Variants in STARD13 observed in about 807,000 individuals in gnomAD.
STARD13 encodes stAR-related lipid transfer protein 13.
In STARD13, 62 loss-of-function variants were observed where a neutral mutation model predicts 106.4. The observed-to-expected ratio is 0.58, with a 90% CI of 0.48 to 0.72. STARD13 has a LOEUF of 0.72. Among genes scored for constraint, STARD13 ranks in the 30% least tolerant of loss-of-function variants. The probability of loss-of-function intolerance (pLI) is 0.00; values close to 1 mark genes in which losing one functional copy is unlikely to be tolerated. For synonymous variants in STARD13, 565 were observed against 553.0 expected (o/e 1.02, Z -0.31); for missense variants, 1,387 against 1,424.0 (o/e 0.97, Z 0.42).
At chr13:33,165,126 T>C (rs1465283807) in intron 3 of STARD13, among the ~76,000 whole-genome samples, 1 of 152,176 alleles carries the variant, frequency 6.6e-6, no homozygotes, top group African/African-American at 2.4e-5. Flanking sequence ...CCTAATCTAG[T>C]GTCCAAAGGC....
At chr13:33,280,642 T>C (rs1297698540) in intron 1 of STARD13, 1 of 152,182 alleles carries the variant, frequency 6.6e-6, no homozygotes, top group Non-Finnish European at 1.5e-5. Flanking sequence ...TTCAACAGAC[T>C]GGACTTCCTA....
At chr13:33,541,482 T>C in the STARD13 span, among the ~76,000 whole-genome samples, 5 of 152,200 alleles carry the variant, frequency 3.3e-5, no homozygotes, top group African/African-American at 1.2e-4. Context: ...GCCATAGTAC[T>C]CCTCACGTCA....
At chr13:33,439,791 T>C in the STARD13 span, 13 of 825,430 alleles carry the variant, frequency 1.6e-5, no homozygotes, top group Non-Finnish European at 1.7e-5. Context: ...ATATTGAGTT[T>C]GAGACAAAAA....
the STARD13 span, among the ~76,000 whole-genome samples, chr13:33,419,815 G>T: frequency 1.3e-5 from 2 of 152,328 alleles, no homozygotes; most frequent in Admixed American, 6.5e-5. Context: ...CATTCTTAAA[G>T]AAAAGAATTT....
At chr13:33,343,577 TAAAAAA>T (rs1292508834) in intron 1 of STARD13, among the ~76,000 whole-genome samples, 1 of 37,104 alleles carries the variant, frequency 2.7e-5, no homozygotes, top group African/African-American at 1.2e-4. Flanking sequence ...GACCCTGTCT[TAAAAAA>T]AAAAAAAAAA....
intron 1 of STARD13, among the ~76,000 whole-genome samples, chr13:33,189,433 TCGG>T (rs1185905003): frequency 9.0e-5 from 4 of 44,374 alleles, no homozygotes; most frequent in African/African-American, 2.9e-4. Flanking sequence ...CTTCCTCCTT[TCGG>T]AGGAAGGAGG....
At chr13:33,382,199 G>A in the STARD13 span, among the ~76,000 whole-genome samples, 284 of 152,288 alleles carry the variant, frequency 1.9e-3, 2 homozygotes, top group Non-Finnish European at 2.7e-3. Flanking sequence ...CAGGTCACTT[G>A]CCCTGAATTT....
chr13:33,280,567 A>C (rs1392220890), intron 1 of STARD13: 5 of 152,126 alleles, frequency 3.3e-5, no homozygotes, highest in African/African-American at 7.2e-5. Context: ...ACAGGCCTGG[A>C]TTTTGGAGAA....
the STARD13 span, among the ~76,000 whole-genome samples, chr13:33,558,499 T>A: frequency 6.6e-6 from 1 of 152,110 alleles, no homozygotes; most frequent in Non-Finnish European, 1.5e-5. Context: ...TATTTGTATT[T>A]ATTTTTTGAA....
At chr13:33,329,010 G>A (rs754000089) in intron 1 of STARD13, among the ~76,000 whole-genome samples, 18 of 152,134 alleles carry the variant, frequency 1.2e-4, no homozygotes, top group Admixed American at 2.0e-4. Flanking sequence ...TAAGTGTTAC[G>A]GTGCAGCTGT....
intron 1 of STARD13, among the ~76,000 whole-genome samples, chr13:33,242,698 A>G (rs1403353332): frequency 6.6e-6 from 1 of 151,990 alleles, no homozygotes; most frequent in African/African-American, 2.4e-5. Flanking sequence ...CTATTGTCCT[A>G]TGACCCTGCC....
rs143307069 is a variant in STARD13 at position 33,120,505 on chromosome 13, G to A, written c.2083-2242C>T. 5.9e-5 allele frequency among the ~76,000 whole-genome samples: 9 copies of A among 152,238 alleles called. No homozygotes were observed. The East Asian group carries it at 7.7e-4, about 13-fold the overall frequency. On this transcript the variant is annotated intron_variant, in intron 7 of 13. Coordinates refer to ENST00000336934, the MANE Select transcript of STARD13 (RefSeq NM_178006.4). ...AGTCAGGGATTTATTGTGCTGCCTC[G>A]AAGTCTGACAATAACCTTCCTGCCC...
the STARD13 span, among the ~76,000 whole-genome samples, chr13:33,421,573 G>T: frequency 2.0e-5 from 3 of 152,152 alleles, no homozygotes; most frequent in Non-Finnish European, 2.9e-5. Flanking sequence ...GAAAAAGAGG[G>T]AATCCTCCCT....
chr13:33,507,833 T>C, the STARD13 span, among the ~76,000 whole-genome samples: 1 of 152,136 alleles, frequency 6.6e-6, no homozygotes, highest in Admixed American at 6.6e-5. Flanking sequence ...AGAGAAAATA[T>C]ATTTATTATT....
At chr13:33,251,688 T>C (rs1050407544) in intron 1 of STARD13, among the ~76,000 whole-genome samples, 2 of 152,240 alleles carry the variant, frequency 1.3e-5, no homozygotes, top group African/African-American at 4.8e-5. Context: ...ATATGTCTAA[T>C]TGGCTGTTTG....
chr13:33,143,326 A>G (rs1483770971), intron 3 of STARD13, among the ~76,000 whole-genome samples: 1 of 151,964 alleles, frequency 6.6e-6, no homozygotes, highest in Non-Finnish European at 1.5e-5. Context: ...GACTTCTATC[A>G]TCCGTAGATT....
intron 1 of STARD13, among the ~76,000 whole-genome samples, chr13:33,183,186 C>G (rs1259955540): frequency 2.6e-5 from 4 of 152,228 alleles, no homozygotes; most frequent in East Asian, 1.9e-4. Flanking sequence ...TTACACATCT[C>G]TCTCCCCCAT....
intron 5 of STARD13, 35 bp from the exon 6 acceptor site, chr13:33,127,581 A>G: frequency 1.3e-6 from 2 of 1,509,392 alleles, no homozygotes; most frequent in South Asian, 2.5e-5. Flanking sequence ...AGCCAGTCAC[A>G]AAGTGGACTT....
At chr13:33,406,883 C>T in the STARD13 span, among the ~76,000 whole-genome samples, 1 of 152,080 alleles carries the variant, frequency 6.6e-6, no homozygotes, top group Non-Finnish European at 1.5e-5. Flanking sequence ...GGCCTGTCCA[C>T]AAATGACTGT....
Sources: allele counts gnomAD v4.1 joint callset (sites outside exome capture counted in the v4.1 genomes callset), GRCh38; gene constraint gnomAD v4.1.1; transcripts MANE v1.5; gene names NCBI Gene and HGNC (gene_info 2026-07-23, HGNC 2026-07-21).